AMZ1: variants seen among roughly 807,000 people sequenced by gnomAD.
AMZ1 encodes the protein archaelysin family metallopeptidase 1, also known as archaemetzincin-1.
In AMZ1, 39 loss-of-function variants were observed where a neutral mutation model predicts 29.9. The observed-to-expected ratio is 1.30, with a 90% CI of 1.01 to 1.70. AMZ1 has a LOEUF of 1.70. AMZ1 is among the 40% of genes most tolerant of loss of function. AMZ1 has a pLI of 0.00. For missense variants in AMZ1, 1,041 were observed against 680.6 expected, an observed-to-expected ratio of 1.53 and a Z score of -5.89; for synonymous variants, 458 against 304.0, an observed-to-expected ratio of 1.51 and a Z score of -5.27.
At chr7:2,721,737 G>A (rs1039326040), downstream of AMZ1, among the ~76,000 whole-genome samples, 5 of 150,952 alleles carry the variant, frequency 3.3e-5, no homozygotes, top group East Asian at 1.9e-4. Flanking sequence ...AAAAGATAGC[G>A]GCGGGTGGGT....
At chr7:2,746,587 C>T (rs1341942629) in intron 4 of AMZ1, among the ~76,000 whole-genome samples, 14 of 151,778 alleles carry the variant, frequency 9.2e-5, no homozygotes, top group Non-Finnish European at 2.9e-5. Flanking sequence ...AAATTGACAC[C>T]CTAACATCAC....
At chr7:2,690,637 C>T (rs1409766966) in intron 1 of AMZ1, among the ~76,000 whole-genome samples, 4 of 152,100 alleles carry the variant, frequency 2.6e-5, no homozygotes, top group African/African-American at 7.2e-5. Context: ...CCCACGTGCC[C>T]GCCACTGCTT....
At chr7:2,738,823 GTTT>G (rs1319838784) in intron 4 of AMZ1, among the ~76,000 whole-genome samples, 1 of 152,182 alleles carries the variant, frequency 6.6e-6, no homozygotes, top group Non-Finnish European at 1.5e-5. Flanking sequence ...GCCTCCTCCT[GTTT>G]TTTATTTTGT....
In AMZ1 at chr7:2,709,700, C is replaced by T. The variant is rs755751502; in HGVS notation, c.832C>T (p.Leu278Phe). 1.9e-6 allele frequency: 3 copies of T among 1,611,126 alleles called. No homozygotes were observed. In the Admixed American group the frequency reaches 5.0e-5, roughly 27 times the overall value. The change falls in exon 6 of 7, where the codon CTC becomes TTC. Residue 278 changes from leucine to phenylalanine, a missense_variant. Transcript: ENST00000683327. ...GLGNCRWLRCLMQGALSLDEA... is the reference protein window; with the variant it reads ...GLGNCRWLRCFMQGALSLDEA... ...GGGGAACTGCCGCTGGCTCCGCTGC[C>T]TCATGCAGGGTGCGCTCAGCCTGGA...
chr7:2,747,302 C>A lies in AMZ1; in HGVS notation n.551-17410C>A, dbSNP rs560803673. ...TACTGGAAAAGCAAACCCAGCAGCACATCAAAAAGCTTATCCACCATGATC... is the reference window on the plus strand; with the variant it reads ...TACTGGAAAAGCAAACCCAGCAGCAAATCAAAAAGCTTATCCACCATGATC... On this transcript the variant is annotated intron_variant and non_coding_transcript_variant, in intron 4 of 4. Coordinates refer to the AMZ1 transcript ENST00000489665. Among the ~76,000 whole-genome samples the A allele has an allele frequency of 2.7e-4, 41 of 152,306 alleles. No homozygotes were observed. The South Asian group carries it at 8.5e-3, about 32-fold the overall frequency.
At chr7:2,735,423 T>C (rs778032039) in intron 4 of AMZ1, among the ~76,000 whole-genome samples, 6 of 151,846 alleles carry the variant, frequency 4.0e-5, no homozygotes, top group Non-Finnish European at 7.4e-5. Flanking sequence ...CCCCAGCCAG[T>C]GCTCTTATCA....
downstream of AMZ1, among the ~76,000 whole-genome samples, chr7:2,722,259 A>T (rs1583192204): frequency 6.7e-6 from 1 of 150,252 alleles, no homozygotes; most frequent in Admixed American, 6.8e-5. Flanking sequence ...GGAGTTAAGA[A>T]AAAGGGCATT....
Position 2,738,036 on chromosome 7 carries a change from A to C in AMZ1, n.551-26676A>C, listed in dbSNP as rs1436121900. On this transcript the variant is annotated intron_variant and non_coding_transcript_variant, in intron 4 of 4. Coordinates refer to the AMZ1 transcript ENST00000489665. Reference sequence around the variant, plus strand: ...GAAAGTATTCTGGAAAAGAGATACAACACCACATTCATATACATTAGAAAA... The same window carrying C: ...GAAAGTATTCTGGAAAAGAGATACACCACCACATTCATATACATTAGAAAA... Among the ~76,000 whole-genome samples, 5 of 152,218 alleles carry C rather than the reference A, an allele frequency of 3.3e-5. No individual in the cohort carries two copies. In the East Asian group the frequency reaches 5.8e-4, roughly 18 times the overall value.
chr7:2,730,950 G>C (rs1279644656), intron 4 of AMZ1: 4 of 521,936 alleles, frequency 7.7e-6, no homozygotes, highest in Non-Finnish European at 1.4e-5. Flanking sequence ...TCATCACTCG[G>C]ATTTTCAGTA....
chr7:2,686,645 TTTTTG>T (rs1787087969), upstream of AMZ1, among the ~76,000 whole-genome samples: 1 of 152,162 alleles, frequency 6.6e-6, no homozygotes, highest in Non-Finnish European at 1.5e-5. Context: ...TGGGGTCTTC[TTTTTG>T]TTTTTATTTT....
At chr7:2,748,491 C>T (rs1790874011) in intron 4 of AMZ1, among the ~76,000 whole-genome samples, 1 of 152,052 alleles carries the variant, frequency 6.6e-6, no homozygotes, top group South Asian at 2.1e-4. Flanking sequence ...CTTCCTTACA[C>T]CTTACACAAA....
intron 1 of AMZ1, among the ~76,000 whole-genome samples, chr7:2,699,540 C>T (rs542772454): frequency 6.6e-6 from 1 of 151,906 alleles, no homozygotes; most frequent in Non-Finnish European, 1.5e-5. Context: ...CGCCCCCCCC[C>T]AAACATATGC....
At chr7:2,711,989 G>A (rs932074900) in intron 6 of AMZ1, among the ~76,000 whole-genome samples, 5 of 152,220 alleles carry the variant, frequency 3.3e-5, no homozygotes, top group African/African-American at 1.2e-4. Flanking sequence ...GGAGGTTGCA[G>A]TGAGCTGAGA....
At chr7:2,681,141 G>A (rs529836111) in intron 1 of AMZ1, among the ~76,000 whole-genome samples, 4 of 152,334 alleles carry the variant, frequency 2.6e-5, no homozygotes, top group Non-Finnish European at 4.4e-5. Flanking sequence ...CCATGGCTGA[G>A]CTCGGTGCCA....
upstream of AMZ1, among the ~76,000 whole-genome samples, chr7:2,687,562 C>T (rs1461111079): frequency 2.0e-5 from 3 of 152,240 alleles, no homozygotes; most frequent in Admixed American, 6.5e-5. Flanking sequence ...GGCATCCTTC[C>T]GCACTTAGAG....
At chr7:2,740,955 G>A (rs569345927) in intron 4 of AMZ1, among the ~76,000 whole-genome samples, 1 of 152,322 alleles carries the variant, frequency 6.6e-6, no homozygotes, top group South Asian at 2.1e-4. Context: ...TAAGGCAGAA[G>A]AATGGTGTGA....
Position 2,712,483 on chromosome 7 carries a change from C to CTCACCCCTGATGCCGGGAG in AMZ1, c.1107_1125dup (p.Thr376ProfsTer2), listed in dbSNP as rs753682801. 7.5e-6 allele frequency: 12 copies of CTCACCCCTGATGCCGGGAG among 1,610,608 alleles called. No individual in the cohort carries two copies. Among genetic ancestry groups the CTCACCCCTGATGCCGGGAG allele is most frequent in the Non-Finnish European group, 1.0e-5 (12 of 1,179,286 alleles). ...GCCCGGCACCAGTGTGTCGGAGCCCCTCACCCCTGATGCCGGGAGTCACAC... is the reference window on the plus strand; with the variant it reads ...GCCCGGCACCAGTGTGTCGGAGCCCCTCACCCCTGATGCCGGGAGTCACCCCTGATGCCGGGAGTCACAC... On this transcript the variant is annotated frameshift_variant, in exon 7 of 7. Transcript: ENST00000683327. LOFTEE classifies it low-confidence loss of function (END_TRUNC).
intron 4 of AMZ1, among the ~76,000 whole-genome samples, chr7:2,749,526 G>T (rs1174521703): frequency 6.7e-6 from 1 of 149,042 alleles, no homozygotes; most frequent in Non-Finnish European, 1.5e-5. Context: ...TAGGGGGAGG[G>T]GGGAGGGATA....
rs1789321190 is a variant in AMZ1, at chr7:2,719,407, G to A, written c.*6529G>A. Among the ~76,000 whole-genome samples, 1 of 152,198 alleles carries A rather than the reference G, an allele frequency of 6.6e-6. No individual in the cohort carries two copies. Among genetic ancestry groups the A allele is most frequent in the Non-Finnish European group, 1.5e-5 (1 of 68,034 alleles). ...AGCTCCCTCCTCTGCTCCAACAGCA[G>A]AGCCCAGAGCATCCCTTGGCCCGAC... On this transcript the variant is annotated 3_prime_UTR_variant, in exon 7 of 7. Transcript: ENST00000683327.
Sources: gnomAD v4.1 joint callset for allele counts (sites outside exome capture counted in the v4.1 genomes callset) on GRCh38, gnomAD v4.1.1 for gene constraint, MANE v1.5 for transcripts, NCBI Gene and HGNC (gene_info 2026-07-23, HGNC 2026-07-21) for gene names.